The following CPNE4 variants were observed in gnomAD, a reference collection of about 807,000 sequenced individuals.
CPNE4 encodes copine-4.
CPNE4 carries 25 observed loss-of-function variants against 67.9 expected under a neutral mutation model. That is an observed-to-expected ratio of 0.37 (90% CI 0.27 to 0.51). The LOEUF is 0.51. CPNE4 is among the 20% of genes least tolerant of loss of function. The pLI is 0.93. For synonymous variants in CPNE4, 242 were observed against 244.9 expected (o/e 0.99, Z 0.11); for missense variants, 464 against 690.8 (o/e 0.67, Z 3.68).
In CPNE4 at chr3:132,023,698, G is replaced by A. The variant is rs975316336; in HGVS notation, c.-2+10869C>T. 6.6e-5 allele frequency among the ~76,000 whole-genome samples: 10 copies of A among 151,976 alleles called. No homozygotes were observed. In the South Asian group the frequency reaches 1.0e-3, roughly 16 times the overall value. ...GAGACGGGGTTTCACCGTTTTAGCC[G>A]GGATGGTCTCGATCTCCTGACCTCG... On this transcript the variant is annotated intron_variant, in intron 1 of 15. Coordinates refer to ENST00000429747, the MANE Select transcript of CPNE4 (RefSeq NM_130808.3).
chr3:131,906,207 TTTTTG>T (rs1174860537), intron 1 of CPNE4, among the ~76,000 whole-genome samples: 1 of 110,274 alleles, frequency 9.1e-6, no homozygotes, highest in African/African-American at 3.8e-5. Flanking sequence ...TTTTTGTTTT[TTTTTG>T]TTGTTGTTGT....
chr3:131,724,858 T>C (rs2081967311), intron 2 of CPNE4, among the ~76,000 whole-genome samples: 2 of 152,212 alleles, frequency 1.3e-5, no homozygotes, highest in African/African-American at 4.8e-5. Flanking sequence ...TCTACTAGGA[T>C]CCTTATCGCT....
At chr3:131,891,158 A>G (rs1240046776) in intron 2 of CPNE4, among the ~76,000 whole-genome samples, 2 of 152,088 alleles carry the variant, frequency 1.3e-5, no homozygotes, top group African/African-American at 4.8e-5. Flanking sequence ...TGATGGATAT[A>G]TATATATTTT....
intron 6 of CPNE4, among the ~76,000 whole-genome samples, chr3:131,671,344 A>G (rs1033704481): frequency 6.6e-6 from 1 of 152,188 alleles, no homozygotes; most frequent in Admixed American, 6.5e-5. Flanking sequence ...CCAACTTTAT[A>G]TGAAAATGCT....
chr3:131,700,987 C>A (rs572857307), intron 3 of CPNE4, among the ~76,000 whole-genome samples: 1 of 151,264 alleles, frequency 6.6e-6, no homozygotes, highest in African/African-American at 2.4e-5. Flanking sequence ...AGCAAACTAT[C>A]GCAAGGACAA....
intron 2 of CPNE4, among the ~76,000 whole-genome samples, chr3:131,790,763 C>A (rs555616534): frequency 2.4e-4 from 37 of 152,196 alleles, no homozygotes; most frequent in African/African-American, 6.7e-4. Flanking sequence ...GAGAAAAAAA[C>A]CCCACTGATT....
chr3:131,580,860 T>A (rs1437791153), intron 9 of CPNE4, among the ~76,000 whole-genome samples: 1 of 152,144 alleles, frequency 6.6e-6, no homozygotes, highest in Admixed American at 6.5e-5. Context: ...GCTTTCAGTA[T>A]GAATAAGGTA....
At chr3:131,851,929 C>A (rs1214344511) in intron 2 of CPNE4, among the ~76,000 whole-genome samples, 1 of 152,010 alleles carries the variant, frequency 6.6e-6, no homozygotes, top group Non-Finnish European at 1.5e-5. Flanking sequence ...TTCCTGATAA[C>A]CGCACAGTCT....
At chr3:131,988,688 TC>T (rs1470882567) in intron 1 of CPNE4, among the ~76,000 whole-genome samples, 1 of 152,208 alleles carries the variant, frequency 6.6e-6, no homozygotes, top group Non-Finnish European at 1.5e-5. Flanking sequence ...CCTTATTGTT[TC>T]CGTATTCTCC....
intron 9 of CPNE4, among the ~76,000 whole-genome samples, chr3:131,579,237 C>A (rs1937635031): frequency 6.6e-6 from 1 of 152,158 alleles, no homozygotes; most frequent in African/African-American, 2.4e-5. Flanking sequence ...AAGAGCAAAG[C>A]CTGGATGGCA....
intron 2 of CPNE4, among the ~76,000 whole-genome samples, chr3:131,738,152 T>C (rs145037131): frequency 3.3e-5 from 5 of 152,384 alleles, no homozygotes; most frequent in East Asian, 3.9e-4. Flanking sequence ...GCAGTGTTTA[T>C]TGGCCACACT....
chr3:131,843,584 A>G (rs796191402), intron 2 of CPNE4, among the ~76,000 whole-genome samples: 10 of 152,338 alleles, frequency 6.6e-5, no homozygotes, highest in African/African-American at 2.2e-4. Flanking sequence ...TTTCTCCCCA[A>G]ATATTCAGCA....
At chr3:131,999,628 T>A (rs1487520990) in intron 1 of CPNE4, among the ~76,000 whole-genome samples, 1 of 152,012 alleles carries the variant, frequency 6.6e-6, no homozygotes, top group Non-Finnish European at 1.5e-5. Context: ...CACCAAAATA[T>A]ATGATGGATT....
intron 2 of CPNE4, among the ~76,000 whole-genome samples, chr3:131,829,274 A>G (rs1044618670): frequency 2.6e-5 from 4 of 152,234 alleles, no homozygotes; most frequent in South Asian, 2.1e-4. Flanking sequence ...AAACCACTTC[A>G]AATACTTTTG....
At chr3:131,944,865 G>T (rs1475909525) in intron 1 of CPNE4, among the ~76,000 whole-genome samples, 2 of 152,144 alleles carry the variant, frequency 1.3e-5, no homozygotes, top group Non-Finnish European at 2.9e-5. Flanking sequence ...CCAATGGAAA[G>T]TCAGCCATGA....
At position 131,962,540 on chromosome 3, in the gene CPNE4, T is replaced by G. The variant is rs114755237; in HGVS notation, c.-1-57096A>C. ...GACTCCTTACAGGATTAGAGAAGAC[T>G]AGAACTATATCTTGAATGTTCCTTC... is the stretch of plus-strand genomic sequence containing the variant. On this transcript the variant is annotated intron_variant, in intron 1 of 15. Coordinates refer to ENST00000429747, the MANE Select transcript of CPNE4 (RefSeq NM_130808.3). Among the ~76,000 whole-genome samples the G allele has an allele frequency of 8.0e-3, 1,221 of 152,316 alleles. 16 individuals carry two copies. Among genetic ancestry groups the G allele is most frequent in the African/African-American group, 0.027 (1,121 of 41,572 alleles).
At chr3:131,942,463 T>TGTGTGTGTGAGAGAGA (rs2071424814) in intron 1 of CPNE4, among the ~76,000 whole-genome samples, 1 of 70,746 alleles carries the variant, frequency 1.4e-5, no homozygotes, top group African/African-American at 5.0e-5. Flanking sequence ...TGTGTGTGTG[T>TGTGTGTGTGAGAGAGA]GAGAGAGAGA....
chr3:131,985,553 A>G (rs1213655690), intron 1 of CPNE4, among the ~76,000 whole-genome samples: 1 of 152,220 alleles, frequency 6.6e-6, no homozygotes, highest in Non-Finnish European at 1.5e-5. Flanking sequence ...TAGGAGTAGA[A>G]GAGCCAAGAT....
intron 1 of CPNE4, among the ~76,000 whole-genome samples, chr3:131,956,660 C>T (rs919914408): frequency 1.8e-4 from 28 of 151,980 alleles, no homozygotes; most frequent in Admixed American, 1.2e-3. Context: ...ATATAAATAT[C>T]CAAAAATAAT....
Sources: gnomAD v4.1 joint callset for allele counts (sites outside exome capture counted in the v4.1 genomes callset) on GRCh38, gnomAD v4.1.1 for gene constraint, MANE v1.5 for transcripts, NCBI Gene and HGNC (gene_info 2026-07-23, HGNC 2026-07-21) for gene names.